The following TTN variants were observed in gnomAD, a reference collection of about 807,000 sequenced individuals.
TTN encodes titin.
In TTN, 1,525 loss-of-function variants were observed where a neutral mutation model predicts 3,223.0. That is an observed-to-expected ratio of 0.47 (90% CI 0.45 to 0.49). The LOEUF is 0.49. TTN is among the 20% of genes least tolerant of loss of function. TTN has a pLI of 0.00. For missense variants in TTN, 40,786 were observed against 43,424.0 expected (o/e 0.94, Z 5.40); for synonymous variants, 14,094 against 15,161.0 (o/e 0.93, Z 5.17).
intron 270 of TTN, 39 bp downstream of exon 270, chr2:178,610,954 A>T (rs971648550): frequency 1.2e-6 from 2 of 1,606,226 alleles, no homozygotes; most frequent in Admixed American, 1.7e-5. Flanking sequence ...TTTCCTCTAC[A>T]TGTGAAGAAT....
chr2:178,794,095 GTC>G (rs1188041737), intron 8 of TTN, among the ~76,000 whole-genome samples: 4 of 152,176 alleles, frequency 2.6e-5, no homozygotes, highest in Admixed American at 6.5e-5. Flanking sequence ...GAATTGACTG[GTC>G]TCTGTTTCTC....
At chr2:178,736,542 T>C (rs966718555) in intron 49 of TTN, among the ~76,000 whole-genome samples, 1 of 152,212 alleles carries the variant, frequency 6.6e-6, no homozygotes, top group East Asian at 1.9e-4. Flanking sequence ...GAAATTCTTA[T>C]ATGGCTTAAC....
chr2:178,672,787 T>C (rs566715220), intron 152 of TTN, 84 bp from the exon 153 acceptor site: 13 of 1,153,500 alleles, frequency 1.1e-5, no homozygotes, highest in Non-Finnish European at 1.6e-5. Flanking sequence ...ACGCCAACAT[T>C]ACAATAATTA....
Position 178,552,385 on chromosome 2 carries a change from A to G in TTN, c.90515T>C (p.Leu30172Pro). 2 of 1,591,094 alleles carry G rather than the reference A, an allele frequency of 1.3e-6. No individual in the cohort carries two copies. Among genetic ancestry groups the G allele is most frequent in the Non-Finnish European group, 1.7e-6 (2 of 1,166,880 alleles). The change falls in exon 335 of 363, where the codon CTG (leucine) becomes CCG (proline). Residue 30172 changes from leucine to proline, a missense_variant. Transcript: ENST00000589042. Reference protein sequence around the residue: ...SISWLKDGLPLKESEFVRFSK... With the variant: ...SISWLKDGLPPKESEFVRFSK... Reference sequence around the variant, plus strand: ...GAAGCGAACAAATTCACTTTCTTTCAGTGGCAAGCCATCTTTCAGCCAACT... The same window carrying G: ...GAAGCGAACAAATTCACTTTCTTTCGGTGGCAAGCCATCTTTCAGCCAACT...
intron 330 of TTN, 129 bp from the exon 331 acceptor site, chr2:178,555,281 T>C (rs1700939437): frequency 2.3e-6 from 2 of 869,966 alleles, no homozygotes; most frequent in Non-Finnish European, 3.4e-6. Context: ...TATAATTCTA[T>C]GCAATTATTA....
chr2:178,567,116 G>A lies in TTN; in HGVS notation c.79016C>T (p.Ser26339Leu). The change falls in exon 326 of 363, where the codon TCA (serine) becomes TTA (leucine). Residue 26339 changes from serine to leucine, a missense_variant. Physicochemically the swap from Ser to Leu is moderately radical, Grantham distance 145. Coordinates refer to ENST00000589042, the MANE Select transcript of TTN (RefSeq NM_001267550.2). ...TSRLAWTVVA[S>L]EVVTNSLKVT... ...TTTCAGAGAATTGGTCACAACTTCT[G>A]AAGCAACAACAGTCCAGGCAAGTCG... 2 of 1,613,526 alleles carry A rather than the reference G, an allele frequency of 1.2e-6. No homozygotes were observed. Among genetic ancestry groups the A allele is most frequent in the Non-Finnish European group, 1.7e-6 (2 of 1,179,620 alleles).
At chr2:178,696,456 T>C (rs1381534133) in intron 113 of TTN, among the ~76,000 whole-genome samples, 187 bp from the exon 114 acceptor site, 2 of 151,646 alleles carry the variant, frequency 1.3e-5, no homozygotes, top group African/African-American at 4.8e-5. Context: ...CAAGATGCAT[T>C]CTACTCTTGA....
At chr2:178,627,164 A>G (rs1306501603) in intron 240 of TTN, among the ~76,000 whole-genome samples, 1 of 151,952 alleles carries the variant, frequency 6.6e-6, no homozygotes, top group Non-Finnish European at 1.5e-5. Flanking sequence ...ATTTTATCAA[A>G]TTTAAAATTT....
chr2:178,636,775 G>T lies in TTN; in HGVS notation c.40952C>A (p.Pro13651Gln). Residue 13651 changes from proline to glutamine, a missense_variant, in exon 225 of 363, where the codon CCA becomes CAA. Coordinates refer to ENST00000589042, the MANE Select transcript of TTN (RefSeq NM_001267550.2). This position sits in a 1 kb window ranked among gnomAD's most constrained non-coding sequence, Gnocchi z 4.3. ...IKGVPKKTPS[P>Q]IEAERRKLRP... is the part of the protein sequence containing the mutation. ...TAACTTTCTCCTTTCGGCTTCTATT[G>T]GTGAAGGAGTCTTTTTGGGTACACC... is the stretch of plus-strand genomic sequence containing the variant. 1 of 1,600,576 alleles carries T rather than the reference G, an allele frequency of 6.2e-7. No individual in the cohort carries two copies. Among genetic ancestry groups the T allele is most frequent in the Non-Finnish European group, 8.5e-7 (1 of 1,172,462 alleles).
Position 178,530,883 on chromosome 2 carries a change from T to C in TTN, c.105732A>G (p.Pro35244=), listed in dbSNP as rs1203061089. ...CTCGTTTTGGAGACTTAACTGCTTCTGGGGATTTCACCCGAGGCTCTGGGG... is the reference window on the plus strand; with the variant it reads ...CTCGTTTTGGAGACTTAACTGCTTCCGGGGATTTCACCCGAGGCTCTGGGG... ...VKSPEPRVKS[P]EAVKSPKRVK... Residue 35244 remains proline, a synonymous_variant, in exon 358 of 363, where the codon CCA becomes CCG. Coordinates refer to ENST00000589042, the MANE Select transcript of TTN (RefSeq NM_001267550.2). 1.2e-6 allele frequency: 2 copies of C among 1,613,816 alleles called. No individual in the cohort carries two copies. The highest frequency in any genetic ancestry group is 1.7e-6 in the Non-Finnish European group (2 of 1,179,878).
chr2:178,796,270 T>C (rs2093764177), intron 6 of TTN, among the ~76,000 whole-genome samples: 1 of 152,244 alleles, frequency 6.6e-6, no homozygotes, highest in Non-Finnish European at 1.5e-5. Flanking sequence ...TAGGTGGCAG[T>C]ATTGCCCTAT....
chr2:178,531,709 G>C lies in TTN; in HGVS notation c.104906C>G (p.Pro34969Arg), dbSNP rs2154133728. ...TRFILNVQSK[P>R]TAEVKWYHNG... ...GTGGTACCATTTAACCTCGGCAGTT[G>C]GCTTAGACTGAACATTTAAAATAAA... Residue 34969 changes from proline (P) to arginine (R), a missense_variant, in exon 358 of 363, where the codon CCA (proline) becomes CGA (arginine). Transcript: ENST00000589042. 1.9e-6 allele frequency: 3 copies of C among 1,613,942 alleles called. No homozygotes were observed. The Admixed American group carries it at 5.0e-5, about 27-fold the overall frequency.
rs758322880 is a variant in TTN at position 178,673,657 on chromosome 2, T to C, written c.34762A>G (p.Lys11588Glu). The change falls in exon 152 of 363, where the codon AAA becomes GAA. Residue 11588 changes from lysine to glutamate, a missense_variant. Coordinates refer to ENST00000589042, the MANE Select transcript of TTN (RefSeq NM_001267550.2). Reference protein sequence around the residue: ...VPEAPTPVPKKVEAPPAKVSK... With the variant: ...VPEAPTPVPKEVEAPPAKVSK... Reference sequence around the variant, plus strand: ...CCTTTAGCTGGTGGTGCCTCCACTTTTTTAGGAACAGGAGTAGGTGCTTCA... The same window carrying C: ...CCTTTAGCTGGTGGTGCCTCCACTTCTTTAGGAACAGGAGTAGGTGCTTCA... The C allele has an allele frequency of 1.3e-6, 2 of 1,594,652 alleles. No individual in the cohort carries two copies. Among genetic ancestry groups the C allele is most frequent in the Middle Eastern group, 1.7e-4 (1 of 6,012 alleles).
rs2073279025 is a variant in TTN at position 178,694,758 on chromosome 2, A to G, written c.31348+71T>C. 3 of 1,484,402 alleles carry G rather than the reference A, an allele frequency of 2.0e-6. No homozygotes were observed. In the South Asian group the frequency reaches 3.8e-5, roughly 19 times the overall value. 92.0% of individuals were successfully genotyped at this position (1,484,402 alleles called of 1,614,324 possible). A position where few individuals can be genotyped will look rare whatever the true frequency, so the allele number is the denominator to read the frequency against. On this transcript the variant is annotated intron_variant, in intron 116 of 362. Transcript: ENST00000589042. ...TTTAAAAGTATTTGATTATATAAAT[A>G]ACTAATGTGAGTATAGATCAGTAAA...
At chr2:178,748,906 C>A in intron 47 of TTN, 1 of 1,612,354 alleles carries the variant, frequency 6.2e-7, no homozygotes, top group East Asian at 2.2e-5. Context: ...ATTCTCTTTG[C>A]TTTAATGAAA....
Position 178,559,750 on chromosome 2 carries a change from G to A in TTN, c.86382C>T (p.Asp28794=). 1.3e-6 allele frequency: 2 copies of A among 1,599,028 alleles called. No homozygotes were observed. Among genetic ancestry groups the A allele is most frequent in the Non-Finnish European group, 1.7e-6 (2 of 1,172,070 alleles). The change falls in exon 326 of 363, where the codon GAC becomes GAT. Residue 28794 remains aspartate, a synonymous_variant. Coordinates refer to ENST00000589042, the MANE Select transcript of TTN (RefSeq NM_001267550.2). ...PNVLWSKPDT[D]LRTRAYVDTT... is the part of the protein sequence containing the mutation. ...TATCAACATAAGCTCTAGTACGGAG[G>A]TCAGTGTCTGGCTTACTCCACAAGA... is the stretch of plus-strand genomic sequence containing the variant.
In TTN at chr2:178,718,810, A is replaced by G. The variant is rs1158674912; in HGVS notation, c.24390T>C (p.Asp8130=). The part of the protein sequence containing the change: ...PGESCNISLE[D]FVTELELFEV... ...CAAACAACTCCAGTTCTGTGACAAA[A>G]TCTTCCAGAGAGATGTTGCATGACT... Residue 8130 remains aspartate, a synonymous_variant, in exon 84 of 363, where the codon GAT becomes GAC. Coordinates refer to ENST00000589042, the MANE Select transcript of TTN (RefSeq NM_001267550.2). 7 of 1,613,622 alleles carry G rather than the reference A, an allele frequency of 4.3e-6. No individual in the cohort carries two copies. In the African/African-American group the frequency reaches 5.3e-5, roughly 12 times the overall value.
intron 321 of TTN, among the ~76,000 whole-genome samples, chr2:178,578,394 A>C (rs1387854452): frequency 6.6e-6 from 1 of 151,996 alleles, no homozygotes; most frequent in Non-Finnish European, 1.5e-5. Flanking sequence ...AACAATTTTA[A>C]CTTACAAAAA....
Position 178,612,487 on chromosome 2 carries a change from C to T in TTN, c.50038G>A (p.Gly16680Arg), listed in dbSNP as rs1206390929. 1.2e-6 allele frequency: 2 copies of T among 1,612,066 alleles called. No individual in the cohort carries two copies. The highest frequency in any genetic ancestry group is 2.2e-5 in the South Asian group (2 of 91,022). The change falls in exon 266 of 363, where the codon GGG (glycine) becomes AGG (arginine). Residue 16680 changes from glycine (G) to arginine (R), a missense_variant. Gly to Arg is a moderately radical substitution (Grantham distance 125). Transcript: ENST00000589042. Reference sequence around the variant, plus strand: ...ACAATGTAGTTGGTGATGGGGGACCCTCCATCTTTCTCAGGAACTGTCCAT... The same window carrying T: ...ACAATGTAGTTGGTGATGGGGGACCTTCCATCTTTCTCAGGAACTGTCCAT... Reference protein sequence around the residue: ...LKWTVPEKDGGSPITNYIVEK... With the variant: ...LKWTVPEKDGRSPITNYIVEK...
Sources: gnomAD v4.1 joint callset for allele counts (sites outside exome capture counted in the v4.1 genomes callset) on GRCh38, gnomAD v4.1.1 for gene constraint, Gnocchi (gnomAD v3.1) non-coding constraint, MANE v1.5 for transcripts, NCBI Gene and HGNC (gene_info 2026-07-23, HGNC 2026-07-21) for gene names.